The following PVT1 variants were observed in gnomAD, a reference collection of about 807,000 sequenced individuals.
PVT1 encodes the protein Pvt1 oncogene.
At chr8:128,069,563 A>T (rs1813956772) in intron 4 of PVT1, among the ~76,000 whole-genome samples, 1 of 152,136 alleles carries the variant, frequency 6.6e-6, no homozygotes, top group Non-Finnish European at 1.5e-5. Flanking sequence ...CTGGGTGGGT[A>T]ACGTAAATCC....
At position 127,898,292 on chromosome 8, in the gene PVT1, GAAATA is replaced by G. The variant is rs1244800734; in HGVS notation, n.782+7301_782+7305del. ...GTGTAAAGAAATAAAAGGCTGTAAA[GAAATA>G]AAATAATGTAAAGAAAGAAAATAAT... On this transcript the variant is annotated intron_variant and non_coding_transcript_variant, in intron 3 of 10. Coordinates refer to ENST00000651587, the Ensembl canonical transcript of PVT1. This position sits in a 1 kb window ranked among gnomAD's most constrained non-coding sequence, Gnocchi z 4.4. Among the ~76,000 whole-genome samples, 1 of 151,990 alleles carries G rather than the reference GAAATA, an allele frequency of 6.6e-6. No homozygotes were observed. Among genetic ancestry groups the G allele is most frequent in the African/African-American group, 2.4e-5 (1 of 41,386 alleles).
chr8:128,017,378 G>A (rs1345818998), intron 4 of PVT1, among the ~76,000 whole-genome samples: 3 of 152,188 alleles, frequency 2.0e-5, no homozygotes, highest in African/African-American at 7.2e-5. Flanking sequence ...CTGCTGCCCG[G>A]TTCCTGAGAC....
intron 2 of PVT1, among the ~76,000 whole-genome samples, chr8:127,801,044 G>C (rs528709272): frequency 6.6e-6 from 1 of 152,262 alleles, no homozygotes; most frequent in East Asian, 1.9e-4. Context: ...GAAGAGCTAG[G>C]ACAGAGGTGG....
chr8:127,938,834 A>T (rs1350187657), intron 3 of PVT1, among the ~76,000 whole-genome samples: 1 of 152,188 alleles, frequency 6.6e-6, no homozygotes, highest in Non-Finnish European at 1.5e-5. Flanking sequence ...TGGTGCAGTC[A>T]TCGTGTGGCG....
intron 2 of PVT1, among the ~76,000 whole-genome samples, chr8:127,880,895 A>G (rs1815459169): frequency 6.6e-6 from 1 of 152,230 alleles, no homozygotes; most frequent in African/African-American, 2.4e-5. Flanking sequence ...CACTGCGCTC[A>G]GCTTTCCAGT....
chr8:128,043,958 C>T (rs963873000), intron 4 of PVT1, among the ~76,000 whole-genome samples: 67 of 150,858 alleles, frequency 4.4e-4, no homozygotes, highest in African/African-American at 1.5e-3. Context: ...TCCCAAGTAG[C>T]TGGGACTACA....
intron 3 of PVT1, among the ~76,000 whole-genome samples, chr8:127,969,306 C>T (rs944284018): frequency 2.6e-5 from 4 of 152,142 alleles, no homozygotes; most frequent in African/African-American, 4.8e-5. Flanking sequence ...AACCAGGTGG[C>T]GACCCCCAGG....
At chr8:127,924,663 C>A (rs1278880957) in intron 3 of PVT1, among the ~76,000 whole-genome samples, 5 of 152,110 alleles carry the variant, frequency 3.3e-5, no homozygotes, top group Non-Finnish European at 7.4e-5. Context: ...AGGCGCCCAC[C>A]ACCACGCCCG....
chr8:127,960,941 G>C (rs1165707795), intron 3 of PVT1, among the ~76,000 whole-genome samples: 47 of 113,890 alleles, frequency 4.1e-4, no homozygotes, highest in African/African-American at 1.7e-3. Context: ...TGTGTTTGGG[G>C]GTGGGGGGGG....
intron 4 of PVT1, among the ~76,000 whole-genome samples, chr8:128,008,090 T>C (rs1680893989): frequency 6.6e-6 from 1 of 152,250 alleles, no homozygotes; most frequent in South Asian, 2.1e-4. Context: ...ATTGGCCATG[T>C]GACAATCGTT....
intron 4 of PVT1, among the ~76,000 whole-genome samples, chr8:128,034,062 C>CTT (rs79313778): frequency 1.7e-4 from 24 of 140,836 alleles, no homozygotes; most frequent in African/African-American, 5.5e-4. Context: ...ACTTCTGCAC[C>CTT]TTTTTTTTTT....
rs60359946 is a variant in PVT1, at chr8:127,914,260, CAAAAAAAAAAAAAAAAAAAAAA to C, written n.782+23281_782+23302del. 2.1e-3 allele frequency among the ~76,000 whole-genome samples: 102 copies of C among 47,868 alleles called. 2 individuals carry two copies. The highest frequency in any genetic ancestry group is 3.8e-3 in the African/African-American group (66 of 17,532). 31.4% of individuals were successfully genotyped at this position (47,868 alleles called of 152,430 possible). A position where few individuals can be genotyped will look rare whatever the true frequency, so the allele number is the denominator to read the frequency against. On this transcript the variant is annotated intron_variant and non_coding_transcript_variant, in intron 3 of 10. Coordinates refer to ENST00000651587, the Ensembl canonical transcript of PVT1. ...AATTAAACACCACCACCACCAACAG[CAAAAAAAAAAAAAAAAAAAAAA>C]AAAAAAAAAAAAAAAAAAGGCAGAA...
At chr8:128,050,394 C>A (rs1813675538) in intron 4 of PVT1, among the ~76,000 whole-genome samples, 1 of 152,216 alleles carries the variant, frequency 6.6e-6, no homozygotes, top group African/African-American at 2.4e-5. Flanking sequence ...TGAAGTCAGA[C>A]CTCTCAGGGG....
At chr8:127,946,100 A>G (rs1563646804) in intron 3 of PVT1, among the ~76,000 whole-genome samples, 1 of 152,258 alleles carries the variant, frequency 6.6e-6, no homozygotes, top group Non-Finnish European at 1.5e-5. Context: ...AAAACACTGC[A>G]GGCCAAATTG....
intron 2 of PVT1, among the ~76,000 whole-genome samples, chr8:127,871,152 A>G (rs1815347293): frequency 6.6e-6 from 1 of 152,234 alleles, no homozygotes; most frequent in Non-Finnish European, 1.5e-5. Context: ...CACGCAATGC[A>G]GAGGAATGGT....
chr8:128,083,790 G>A (rs76836992), intron 5 of PVT1, among the ~76,000 whole-genome samples: 2,707 of 152,298 alleles, frequency 0.018, 63 homozygotes, highest in African/African-American at 0.062. Flanking sequence ...AAGATCCTCA[G>A]CTAGTGTTTG....
chr8:127,924,035 G>T (rs1256849810), intron 3 of PVT1, among the ~76,000 whole-genome samples: 1 of 152,216 alleles, frequency 6.6e-6, no homozygotes, highest in Non-Finnish European at 1.5e-5. Flanking sequence ...CTCTGGCATG[G>T]TGTTGGAGGC....
intron 3 of PVT1, among the ~76,000 whole-genome samples, chr8:127,936,653 G>A (rs1032474786): frequency 6.6e-6 from 1 of 152,180 alleles, no homozygotes; most frequent in Non-Finnish European, 1.5e-5. Context: ...GTCAACAAAG[G>A]CAGTAGGCAC....
chr8:127,981,481 C>T (rs990702176), intron 3 of PVT1, among the ~76,000 whole-genome samples: 1 of 152,168 alleles, frequency 6.6e-6, no homozygotes. Context: ...AACGCTTTTA[C>T]GGAAAACAAT....
Sources: allele counts gnomAD v4.1 joint callset (sites outside exome capture counted in the v4.1 genomes callset), GRCh38; gene constraint gnomAD v4.1.1; non-coding constraint Gnocchi (gnomAD v3.1); transcripts MANE v1.5; gene names NCBI Gene and HGNC (gene_info 2026-07-23, HGNC 2026-07-21).